The following CLNK variants were observed in gnomAD, a reference collection of about 807,000 sequenced individuals.
CLNK encodes the protein cytokine-dependent hematopoietic cell linker.
A neutral mutation model predicts 68.6 loss-of-function variants in CLNK; 74 were observed. The observed-to-expected ratio is 1.08, with a 90% confidence interval of 0.89 to 1.31. The LOEUF is 1.31. CLNK is among the 50% of genes most tolerant of loss of function. The pLI is 0.00. For missense variants in CLNK, 553 were observed against 515.3 expected (o/e 1.07, Z -0.71); for synonymous variants, 198 against 172.2 (o/e 1.15, Z -1.17).
intron 2 of CLNK, among the ~76,000 whole-genome samples, chr4:10,637,130 G>T (rs898762619): frequency 6.6e-6 from 1 of 152,198 alleles, no homozygotes; most frequent in Admixed American, 6.5e-5. Flanking sequence ...TGGGTTCTGT[G>T]AGGTTGCTCA....
the CLNK span, among the ~76,000 whole-genome samples, chr4:10,699,328 A>ACATACGTGTGTGTATACACACACACCC: frequency 9.4e-6 from 1 of 106,380 alleles, no homozygotes; most frequent in Non-Finnish European, 2.0e-5. Flanking sequence ...CACACACACC[A>ACATACGTGTGTGTATACACACACACCC]CATACGTGTG....
At chr4:10,507,869 C>A (rs1717376244) in intron 17 of CLNK, 90 bp downstream of exon 17, 2 of 944,278 alleles carry the variant, frequency 2.1e-6, no homozygotes, top group African/African-American at 3.3e-5. Flanking sequence ...TACATGAAAG[C>A]AAGCTGCTTG....
At chr4:10,561,008 C>T (rs1358408137) in intron 7 of CLNK, among the ~76,000 whole-genome samples, 2 of 152,074 alleles carry the variant, frequency 1.3e-5, no homozygotes, top group African/African-American at 4.8e-5. Flanking sequence ...GTGATCCTCC[C>T]ACCTCAGCCC....
At chr4:10,579,762 C>A (rs1374222402) in intron 4 of CLNK, among the ~76,000 whole-genome samples, 4 of 152,182 alleles carry the variant, frequency 2.6e-5, no homozygotes, top group African/African-American at 9.7e-5. Context: ...CCCTTGTCCC[C>A]ACATGTGCCT....
At chr4:10,542,167 A>G in intron 9 of CLNK, 88 bp downstream of exon 9, 1 of 1,198,292 alleles carries the variant, frequency 8.3e-7, no homozygotes, top group East Asian at 2.5e-5. Context: ...ATATTTTTCT[A>G]GAGATATCTG....
At chr4:10,501,970 C>T (rs1717072638) in intron 17 of CLNK, among the ~76,000 whole-genome samples, 1 of 152,114 alleles carries the variant, frequency 6.6e-6, no homozygotes, top group African/African-American at 2.4e-5. Flanking sequence ...TCATCATTTC[C>T]TACTGACCTG....
chr4:10,624,593 GTTTTTT>G (rs10559473), intron 2 of CLNK, among the ~76,000 whole-genome samples: 155 of 122,864 alleles, frequency 1.3e-3, no homozygotes, highest in Non-Finnish European at 1.8e-3. Context: ...CGCCCGGCCA[GTTTTTT>G]TTTTTTTTTT....
intron 2 of CLNK, among the ~76,000 whole-genome samples, chr4:10,624,714 C>G (rs2108863883): frequency 6.7e-6 from 1 of 150,030 alleles, no homozygotes; most frequent in East Asian, 2.0e-4. Context: ...TCATGAAACT[C>G]AAGAGAGTTT....
chr4:10,666,233 T>A (rs1437930819), intron 2 of CLNK, among the ~76,000 whole-genome samples: 2 of 152,212 alleles, frequency 1.3e-5, no homozygotes, highest in Admixed American at 6.5e-5. Flanking sequence ...AGTGAATAGA[T>A]TCCCAGTATT....
intron 11 of CLNK, among the ~76,000 whole-genome samples, chr4:10,540,184 T>C (rs1718956127): frequency 6.6e-6 from 1 of 152,232 alleles, no homozygotes; most frequent in South Asian, 2.1e-4. Context: ...CTGATGGTTT[T>C]ATACAGGGCT....
rs59809551 is a variant in CLNK, at chr4:10,610,771, A to AAC, written c.12-12724_12-12723dup. Among the ~76,000 whole-genome samples, 900 of 144,588 alleles carry AAC rather than the reference A, an allele frequency of 6.2e-3. 8 individuals are homozygous for AAC. Among genetic ancestry groups the AAC allele is most frequent in the Middle Eastern group, 0.01 (3 of 288 alleles). 94.9% of individuals were successfully genotyped at this position (144,588 alleles called of 152,430 possible). The stretch of plus-strand genomic sequence containing the variant: ...GTGATAGAAAACAACATAAAAAAGC[A>AAC]ACACACACACACACACACACACACA... On this transcript the variant is annotated intron_variant, in intron 2 of 18. Transcript: ENST00000226951.
rs1029276225 is a variant in CLNK, at chr4:10,489,075, T to A, written c.*1392A>T. 1 of 152,120 alleles carries A rather than the reference T, an allele frequency of 6.6e-6. No individual in the cohort carries two copies. Among genetic ancestry groups the A allele is most frequent in the African/African-American group, 2.4e-5 (1 of 41,428 alleles). 9.4% of individuals were successfully genotyped at this position (152,120 alleles called of 1,614,324 possible). ...TCTTTCTCTCTCTCTCTCTCTTTTT[T>A]TTTAAATTAGCTTTTCAACTTGATT... On this transcript the variant is annotated 3_prime_UTR_variant, in exon 19 of 19. Transcript: ENST00000226951.
chr4:10,667,973 C>G (rs1031841432), intron 1 of CLNK, 62 bp from the exon 2 acceptor site: 3 of 913,848 alleles, frequency 3.3e-6, no homozygotes, highest in South Asian at 1.8e-5. Context: ...TTCTGGGGAA[C>G]AAGCCACTGT....
At chr4:10,676,691 G>A (rs1191077382) in intron 1 of CLNK, among the ~76,000 whole-genome samples, 1 of 151,818 alleles carries the variant, frequency 6.6e-6, no homozygotes, top group Non-Finnish European at 1.5e-5. Context: ...CCTTCCTTTA[G>A]TGGTAAGATT....
At chr4:10,546,607 C>T (rs1006546368) in intron 8 of CLNK, among the ~76,000 whole-genome samples, 16 of 152,298 alleles carry the variant, frequency 1.1e-4, no homozygotes, top group Admixed American at 2.6e-4. Flanking sequence ...TCTAAGCTTT[C>T]GCCAGAATTT....
intron 1 of CLNK, among the ~76,000 whole-genome samples, chr4:10,683,496 G>T (rs1725163857): frequency 6.6e-6 from 1 of 152,210 alleles, no homozygotes; most frequent in Admixed American, 6.5e-5. Flanking sequence ...CAATCAGTCA[G>T]CCAGGAAAAT....
At chr4:10,651,625 CCAAAGA>C (rs1271579657) in intron 2 of CLNK, among the ~76,000 whole-genome samples, 2 of 151,880 alleles carry the variant, frequency 1.3e-5, no homozygotes, top group Non-Finnish European at 2.9e-5. Context: ...TAAAATATGA[CCAAAGA>C]CAAAGAGTAT....
upstream of CLNK, among the ~76,000 whole-genome samples, chr4:10,686,135 C>T (rs534728163): frequency 6.6e-6 from 1 of 152,122 alleles, no homozygotes; most frequent in Non-Finnish European, 1.5e-5. Flanking sequence ...CTGTTCCAGG[C>T]CTTTATCCCC....
chr4:10,638,681 A>C (rs1467110637), intron 2 of CLNK, among the ~76,000 whole-genome samples: 1 of 152,236 alleles, frequency 6.6e-6, no homozygotes, highest in Non-Finnish European at 1.5e-5. Context: ...TCTTGCTAGA[A>C]TCATTTGGAG....
Sources: gnomAD v4.1 joint callset for allele counts (sites outside exome capture counted in the v4.1 genomes callset) on GRCh38, gnomAD v4.1.1 for gene constraint, MANE v1.5 for transcripts, NCBI Gene and HGNC (gene_info 2026-07-23, HGNC 2026-07-21) for gene names.